Variants in GRM7 observed in about 807,000 individuals in gnomAD.
The protein encoded by GRM7 is glutamate metabotropic receptor 7.
In GRM7, 35 loss-of-function variants were observed where a neutral mutation model predicts 84.5. The ratio of observed to expected loss-of-function variants is 0.41; its 90% CI spans 0.32 to 0.55. The LOEUF is 0.55. GRM7 is among the 20% of genes least tolerant of loss of function. The probability of loss-of-function intolerance (pLI) is 0.19; values close to 1 mark genes in which losing one functional copy is unlikely to be tolerated. For missense variants in GRM7, 1,003 were observed against 1,194.6 expected (o/e 0.84, Z 2.36); for synonymous variants, 487 against 455.1 (o/e 1.07, Z -0.89).
At chr3:7,735,309 G>A (rs1340511556) in intron 9 of GRM7, among the ~76,000 whole-genome samples, 1 of 139,858 alleles carries the variant, frequency 7.2e-6, no homozygotes, top group African/African-American at 2.9e-5. Flanking sequence ...GTGATAGGCA[G>A]GGTTAAGGTT....
intron 1 of GRM7, among the ~76,000 whole-genome samples, chr3:6,915,439 T>C (rs2125023404): frequency 6.6e-6 from 1 of 152,312 alleles, no homozygotes; most frequent in South Asian, 2.1e-4. Flanking sequence ...ATGGCAGATA[T>C]AAATAAATGT....
chr3:7,012,424 A>T (rs1314782695), intron 1 of GRM7, among the ~76,000 whole-genome samples: 2 of 152,130 alleles, frequency 1.3e-5, no homozygotes, highest in African/African-American at 2.4e-5. Flanking sequence ...ATTCAATGAA[A>T]CCTCATATAC....
intron 2 of GRM7, among the ~76,000 whole-genome samples, chr3:7,242,390 G>T (rs917987312): frequency 1.3e-5 from 2 of 152,116 alleles, no homozygotes; most frequent in Non-Finnish European, 2.9e-5. Flanking sequence ...CTTTAAATTG[G>T]CAGAGCTGGA....
intron 6 of GRM7, among the ~76,000 whole-genome samples, chr3:7,455,971 T>C (rs1467061532): frequency 6.6e-6 from 1 of 152,138 alleles, no homozygotes; most frequent in Non-Finnish European, 1.5e-5. Flanking sequence ...ACATTCAATA[T>C]GGGGATCATT....
At chr3:6,908,740 C>T (rs1696667020) in intron 1 of GRM7, among the ~76,000 whole-genome samples, 1 of 152,030 alleles carries the variant, frequency 6.6e-6, no homozygotes, top group Non-Finnish European at 1.5e-5. Flanking sequence ...TGACTCTATC[C>T]CATAAAATTT....
At chr3:7,677,283 A>AC (rs1700171005) in intron 8 of GRM7, among the ~76,000 whole-genome samples, 1 of 147,324 alleles carries the variant, frequency 6.8e-6, no homozygotes, top group African/African-American at 2.7e-5. Flanking sequence ...AAAAAAAAAA[A>AC]AAAAAAAAAA....
chr3:6,918,855 C>T lies in GRM7; in HGVS notation c.519+56948C>T, dbSNP rs140472629. The stretch of plus-strand genomic sequence containing the variant: ...TTTGGACATACTGCACTTCCAGTCC[C>T]GGTTTCCAAATCTAGAGAATGGATT... On this transcript the variant is annotated intron_variant, in intron 1 of 9. Coordinates refer to ENST00000357716, the MANE Select transcript of GRM7 (RefSeq NM_000844.4). 4.1e-3 allele frequency among the ~76,000 whole-genome samples: 625 copies of T among 152,206 alleles called. 1 individual carries two copies. The highest frequency in any genetic ancestry group is 6.8e-3 in the Middle Eastern group (2 of 294).
At chr3:7,219,180 A>G (rs1359425585) in intron 2 of GRM7, among the ~76,000 whole-genome samples, 1 of 152,012 alleles carries the variant, frequency 6.6e-6, no homozygotes, top group Non-Finnish European at 1.5e-5. Context: ...TAAATTTCCT[A>G]CCTTAGTTAA....
chr3:7,114,645 G>A (rs936075158), intron 1 of GRM7, among the ~76,000 whole-genome samples: 1 of 152,072 alleles, frequency 6.6e-6, no homozygotes, highest in African/African-American at 2.4e-5. Flanking sequence ...TTTCCTCTGC[G>A]TACCTGGTTC....
intron 1 of GRM7, among the ~76,000 whole-genome samples, chr3:7,088,217 T>TC (rs112614023): frequency 0.064 from 9,797 of 152,174 alleles, 760 homozygotes; most frequent in African/African-American, 0.15. Flanking sequence ...GATTGAACTG[T>TC]CCCACAGAGG....
At chr3:7,156,628 G>A (rs1359658416) in intron 2 of GRM7, among the ~76,000 whole-genome samples, 1 of 152,084 alleles carries the variant, frequency 6.6e-6, no homozygotes, top group Non-Finnish European at 1.5e-5. Context: ...AGTTGACTGT[G>A]TACAAAAAAC....
At chr3:7,576,173 A>C (rs771555561) in intron 7 of GRM7, among the ~76,000 whole-genome samples, 1 of 152,070 alleles carries the variant, frequency 6.6e-6, no homozygotes, top group South Asian at 2.1e-4. Flanking sequence ...TTAGGTTCCA[A>C]CTCTTGAAAT....
At chr3:7,417,448 T>C (rs1476924750) in intron 5 of GRM7, among the ~76,000 whole-genome samples, 1 of 152,154 alleles carries the variant, frequency 6.6e-6, no homozygotes, top group Admixed American at 6.6e-5. Flanking sequence ...AAAATACTAT[T>C]TAAAAAATCT....
chr3:7,293,003 C>T lies in GRM7; in HGVS notation c.737-5681C>T, dbSNP rs1699688184. 1.5e-5 allele frequency among the ~76,000 whole-genome samples: 2 copies of T among 137,334 alleles called. 1 individual carries two copies. The highest frequency in any genetic ancestry group is 4.5e-4 in the South Asian group (2 of 4,472). 90.1% of individuals were successfully genotyped at this position (137,334 alleles called of 152,430 possible). A position where few individuals can be genotyped will look rare whatever the true frequency, so the allele number is the denominator to read the frequency against. On this transcript the variant is annotated intron_variant, in intron 2 of 9. Coordinates refer to ENST00000357716, the MANE Select transcript of GRM7 (RefSeq NM_000844.4). ...GAGATGAGATTGCACCATCGCACTG[C>T]AGCCTGGGGGACAAGAGCGAGACTT...
At chr3:7,690,286 G>A (rs1700749670) in intron 9 of GRM7, among the ~76,000 whole-genome samples, 1 of 152,098 alleles carries the variant, frequency 6.6e-6, no homozygotes, top group African/African-American at 2.4e-5. Context: ...GTGAGAAAAT[G>A]TGCTTGGAAT....
intron 1 of GRM7, among the ~76,000 whole-genome samples, chr3:7,049,093 T>C (rs991068163): frequency 6.6e-6 from 1 of 152,016 alleles, no homozygotes; most frequent in Non-Finnish European, 1.5e-5. Flanking sequence ...TCATGTCCAT[T>C]CACTCCTCTC....
intron 9 of GRM7, among the ~76,000 whole-genome samples, chr3:7,737,276 T>C (rs1702535690): frequency 6.6e-6 from 1 of 152,194 alleles, no homozygotes; most frequent in Non-Finnish European, 1.5e-5. Flanking sequence ...TTCTTAACAC[T>C]ACCTCACTGT....
chr3:7,337,829 C>A (rs1284169516), intron 4 of GRM7, among the ~76,000 whole-genome samples: 1 of 151,818 alleles, frequency 6.6e-6, no homozygotes, highest in Non-Finnish European at 1.5e-5. Flanking sequence ...AGTACAACCA[C>A]TATAGAAAAC....
At chr3:7,631,352 G>T (rs1477486507) in intron 8 of GRM7, among the ~76,000 whole-genome samples, 1 of 139,510 alleles carries the variant, frequency 7.2e-6, no homozygotes, top group African/African-American at 2.7e-5. Context: ...GAGCCGCACA[G>T]AAGGATGTTT....
Sources: allele counts gnomAD v4.1 joint callset (sites outside exome capture counted in the v4.1 genomes callset), GRCh38; gene constraint gnomAD v4.1.1; transcripts MANE v1.5; gene names NCBI Gene and HGNC (gene_info 2026-07-23, HGNC 2026-07-21).